PDE6A: variants seen among roughly 807,000 people sequenced by gnomAD.
PDE6A encodes the protein rod cGMP-specific 3',5'-cyclic phosphodiesterase subunit alpha.
Under a neutral mutation model 106.3 loss-of-function variants are expected in PDE6A, and 84 were observed. The ratio of observed to expected loss-of-function variants is 0.79; its 90% CI spans 0.66 to 0.95. The LOEUF is 0.95. Ranked by LOEUF, PDE6A falls within the 40% of genes least tolerant of loss-of-function variation. The pLI, the probability that PDE6A is intolerant of heterozygous loss-of-function variation, is 0.00. For synonymous variants in PDE6A, 394 were observed against 386.6 expected (o/e 1.02, Z -0.23); for missense variants, 1,052 against 1,084.9 (o/e 0.97, Z 0.43).
intron 13 of PDE6A, among the ~76,000 whole-genome samples, chr5:149,894,427 A>G (rs537808217): frequency 6.6e-6 from 1 of 152,230 alleles, no homozygotes; most frequent in South Asian, 2.1e-4. Flanking sequence ...CGAATGGTGA[A>G]TGGCAAACTT....
At chr5:149,870,871 AAGAAAGAG>A (rs1197557460) in intron 17 of PDE6A, among the ~76,000 whole-genome samples, 1 of 145,182 alleles carries the variant, frequency 6.9e-6, no homozygotes, top group Non-Finnish European at 1.5e-5. Context: ...GAGAAAGAGA[AAGAAAGAG>A]AAAGAAAGAA....
chr5:149,862,029 C>G (rs1489043124), intron 21 of PDE6A, among the ~76,000 whole-genome samples: 1 of 152,122 alleles, frequency 6.6e-6, no homozygotes, highest in Non-Finnish European at 1.5e-5. Context: ...TTGCAGCTGC[C>G]CATTTAGAAT....
chr5:149,930,634 G>A (rs1754006091), intron 4 of PDE6A, among the ~76,000 whole-genome samples: 2 of 152,172 alleles, frequency 1.3e-5, no homozygotes, highest in Non-Finnish European at 2.9e-5. Context: ...GTGAGCTCTG[G>A]AATAGATAAA....
At chr5:149,862,486 C>A (rs966292332) in intron 21 of PDE6A, among the ~76,000 whole-genome samples, 1 of 152,116 alleles carries the variant, frequency 6.6e-6, no homozygotes, top group Non-Finnish European at 1.5e-5. Context: ...AGTCCGGACG[C>A]GGTGGCTTAT....
intron 4 of PDE6A, among the ~76,000 whole-genome samples, chr5:149,922,417 T>C (rs1753750826): frequency 6.6e-6 from 1 of 152,098 alleles, no homozygotes; most frequent in Non-Finnish European, 1.5e-5. Context: ...GTTCTAGCAA[T>C]TCTCCTGGCT....
chr5:149,869,541 C>T (rs1760460763), intron 17 of PDE6A, among the ~76,000 whole-genome samples: 2 of 152,228 alleles, frequency 1.3e-5, no homozygotes, highest in African/African-American at 4.8e-5. Flanking sequence ...TTTGAGAAAA[C>T]ATTTTAGAGC....
At chr5:149,861,118 G>A in intron 21 of PDE6A, 147 bp from the exon 22 acceptor site, 1 of 706,178 alleles carries the variant, frequency 1.4e-6, no homozygotes, top group East Asian at 2.7e-5. Flanking sequence ...AACCAGGTGT[G>A]AGGAGAATCA....
chr5:149,925,261 A>G (rs764680311), intron 4 of PDE6A, among the ~76,000 whole-genome samples: 4 of 152,218 alleles, frequency 2.6e-5, no homozygotes, highest in Non-Finnish European at 5.9e-5. Context: ...CAGAGACTCA[A>G]AAATAACTGT....
intron 17 of PDE6A, among the ~76,000 whole-genome samples, chr5:149,871,919 G>A (rs1760574186): frequency 6.6e-6 from 1 of 152,220 alleles, no homozygotes; most frequent in Non-Finnish European, 1.5e-5. Flanking sequence ...CAACTCAGCA[G>A]CATTTGGGGA....
chr5:149,864,488 T>C (rs1339151521), intron 20 of PDE6A, among the ~76,000 whole-genome samples: 1 of 152,124 alleles, frequency 6.6e-6, no homozygotes, highest in Non-Finnish European at 1.5e-5. Context: ...ATGATCCACC[T>C]GCCTTGGCCT....
Position 149,910,027 on chromosome 5 carries a change from A to G in PDE6A, c.999-2649T>C, listed in dbSNP as rs1162062886. Among the ~76,000 whole-genome samples, 17 of 152,134 alleles carry G rather than the reference A, an allele frequency of 1.1e-4. 1 individual carries two copies. The highest frequency in any genetic ancestry group is 1.1e-3 in the Admixed American group (17 of 15,270). Reference sequence around the variant, plus strand: ...CTTAAGTCAATTAGCAAACAGATTCATCTATATCTCCTTGTATTTCTGTTA... The same window carrying G: ...CTTAAGTCAATTAGCAAACAGATTCGTCTATATCTCCTTGTATTTCTGTTA... On this transcript the variant is annotated intron_variant, in intron 6 of 21. Transcript: ENST00000255266.
chr5:149,862,897 G>C (rs1432282816), intron 21 of PDE6A, among the ~76,000 whole-genome samples: 1 of 152,192 alleles, frequency 6.6e-6, no homozygotes, highest in Admixed American at 6.5e-5. Context: ...TTGCTGGGAG[G>C]CCTGGATCGT....
chr5:149,895,827 A>G (rs552078992), intron 12 of PDE6A, among the ~76,000 whole-genome samples: 1 of 152,020 alleles, frequency 6.6e-6, no homozygotes, highest in East Asian at 1.9e-4. Flanking sequence ...AAGAATGTGA[A>G]TTTCTGATAA....
At chr5:149,924,420 T>C (rs925112080) in intron 4 of PDE6A, among the ~76,000 whole-genome samples, 1 of 149,966 alleles carries the variant, frequency 6.7e-6, no homozygotes, top group Admixed American at 6.7e-5. Flanking sequence ...TAGATATATA[T>C]ATATTTAGTT....
rs866752410 is a variant in PDE6A at position 149,898,493 on chromosome 5, A to C, written c.1277T>G (p.Phe426Cys). 1 of 1,613,546 alleles carries C rather than the reference A, an allele frequency of 6.2e-7. No homozygotes were observed. Among genetic ancestry groups the C allele is most frequent in the Admixed American group, 1.7e-5 (1 of 60,024 alleles). The change falls in exon 10 of 22, where the codon TTT (phenylalanine) becomes TGT (cysteine). Residue 426 changes from phenylalanine (F) to cysteine (C), a missense_variant. Physicochemically the swap from Phe to Cys is radical, Grantham distance 205. Around this residue, in one of 3 missense-constraint regions of PDE6A, gnomAD observed 913 missense variants for 915.2 expected, o/e 1.00. Transcript: ENST00000255266. ...DETLMESLTQ[F>C]LGWSVLNPDT... The stretch of plus-strand genomic sequence containing the variant: ...AGGATTTAAGACAGACCAGCCCAGA[A>C]ATTGAGTCAAAGACTGAAAAAGAAA...
chr5:149,900,375 G>GTATGTATATATA (rs1554089230), intron 8 of PDE6A, among the ~76,000 whole-genome samples: 1 of 82,584 alleles, frequency 1.2e-5, no homozygotes, highest in Non-Finnish European at 2.4e-5. Flanking sequence ...AAATATATAT[G>GTATGTATATATA]TATATATATA....
chr5:149,940,225 G>A (rs1449003159), intron 1 of PDE6A: 1 of 152,212 alleles, frequency 6.6e-6, no homozygotes, highest in Non-Finnish European at 1.5e-5. Context: ...GATAATGACA[G>A]TTATGACATA....
intron 5 of PDE6A, among the ~76,000 whole-genome samples, chr5:149,918,758 C>T (rs113035599): frequency 0.042 from 6,351 of 151,898 alleles, 450 homozygotes; most frequent in African/African-American, 0.14. Context: ...AATACAGGCA[C>T]GCGTCACCAT....
At chr5:149,910,704 T>C (rs890284902) in intron 6 of PDE6A, among the ~76,000 whole-genome samples, 2 of 152,098 alleles carry the variant, frequency 1.3e-5, no homozygotes, top group East Asian at 1.9e-4. Context: ...CAGGAGACCA[T>C]TGTTTTCAAC....
Sources: allele counts gnomAD v4.1 joint callset (sites outside exome capture counted in the v4.1 genomes callset), GRCh38; gene constraint gnomAD v4.1.1; regional missense constraint gnomAD v4.1.1; transcripts MANE v1.5; gene names NCBI Gene and HGNC (gene_info 2026-07-23, HGNC 2026-07-21).